RRM2B: variants seen among roughly 807,000 people sequenced by gnomAD.
The protein encoded by RRM2B is ribonucleoside-diphosphate reductase subunit M2 B.
In RRM2B, 20 loss-of-function variants were observed where a neutral mutation model predicts 45.9. The observed-to-expected ratio is 0.44, with a 90% confidence interval of 0.31 to 0.63. The LOEUF (loss-of-function observed/expected upper bound fraction) is 0.63. Ranked by LOEUF, RRM2B falls within the 30% of genes least tolerant of loss-of-function variation. RRM2B has a pLI of 0.09. For missense variants in RRM2B, 320 were observed against 414.7 expected, an observed-to-expected ratio of 0.77 and a Z score of 1.98; for synonymous variants, 124 against 132.3, an observed-to-expected ratio of 0.94 and a Z score of 0.43.
chr8:102,206,376 AT>A lies in RRM2B; in HGVS notation c.*1756del, dbSNP rs1810544504. 1 of 152,150 alleles carries A rather than the reference AT, an allele frequency of 6.6e-6. No individual in the cohort carries two copies. Among genetic ancestry groups the A allele is most frequent in the African/African-American group, 2.4e-5 (1 of 41,450 alleles). 9.4% of individuals were successfully genotyped at this position (152,150 alleles called of 1,614,324 possible). On this transcript the variant is annotated 3_prime_UTR_variant, in exon 9 of 9. Coordinates refer to ENST00000251810, the MANE Select transcript of RRM2B (RefSeq NM_015713.5). ...AGCTGTTTTGAGATCAAATGAGATG[AT>A]GTAAAAACACTTGGCAAACTGAAGC...
rs531505689 is a variant in RRM2B, at chr8:102,214,410, A to G, written c.685-252T>C. 23 of 457,874 alleles carry G rather than the reference A, an allele frequency of 5.0e-5. No homozygotes were observed. In the East Asian group the frequency reaches 1.0e-3, roughly 20 times the overall value. 28.4% of individuals were successfully genotyped at this position (457,874 alleles called of 1,614,324 possible). On this transcript the variant is annotated intron_variant, in intron 6 of 8. Coordinates refer to ENST00000251810, the MANE Select transcript of RRM2B (RefSeq NM_015713.5). ...ACATTATAGAAAAATTAATTTATGA[A>G]CAAACAAAATCTGCAAATAAAAGCA...
At chr8:102,220,077 A>C (rs903904387) in intron 5 of RRM2B, among the ~76,000 whole-genome samples, 4 of 152,188 alleles carry the variant, frequency 2.6e-5, no homozygotes, top group African/African-American at 9.7e-5. Context: ...CATCTCTACA[A>C]AAAATTTAAA....
chr8:102,214,378 TTCA>T, intron 6 of RRM2B: 2 of 544,748 alleles, frequency 3.7e-6, no homozygotes, highest in Non-Finnish European at 6.7e-6. Context: ...CAAATCTTAG[TTCA>T]TCAACATTAT....
At chr8:102,226,812 C>A (rs1456572245) in intron 2 of RRM2B, among the ~76,000 whole-genome samples, 1 of 152,194 alleles carries the variant, frequency 6.6e-6, no homozygotes, top group East Asian at 1.9e-4. Context: ...CTCCCAGGTT[C>A]AAGCAATCCT....
chr8:102,219,885 C>T (rs1810798485), intron 5 of RRM2B, among the ~76,000 whole-genome samples: 1 of 152,146 alleles, frequency 6.6e-6, no homozygotes, highest in South Asian at 2.1e-4. Context: ...ACTTAATAAA[C>T]AAGTCCTGAA....
intron 5 of RRM2B, among the ~76,000 whole-genome samples, chr8:102,219,386 C>T (rs1246998427): frequency 6.6e-6 from 1 of 152,140 alleles, no homozygotes; most frequent in Non-Finnish European, 1.5e-5. Context: ...TTTTTAGAAA[C>T]CTATGGTATC....
At chr8:102,212,464 T>C (rs29000279) in intron 8 of RRM2B, among the ~76,000 whole-genome samples, 5,358 of 152,334 alleles carry the variant, frequency 0.035, 162 homozygotes, top group Admixed American at 0.085. Context: ...TGGCGATTTA[T>C]ATGAGGGTGA....
At chr8:102,229,278 A>C (rs77555628) in intron 2 of RRM2B, among the ~76,000 whole-genome samples, 6 of 149,758 alleles carry the variant, frequency 4.0e-5, no homozygotes, top group East Asian at 3.9e-4. Context: ...CAACAACAAA[A>C]AAAAAAAAAC....
intron 8 of RRM2B, among the ~76,000 whole-genome samples, chr8:102,210,107 G>A (rs969306698): frequency 2.0e-5 from 3 of 152,230 alleles, no homozygotes; most frequent in Admixed American, 6.5e-5. Context: ...GTACAACTCT[G>A]TGACTACACT....
intron 1 of RRM2B, among the ~76,000 whole-genome samples, chr8:102,235,276 T>G (rs953873897): frequency 6.6e-6 from 1 of 152,234 alleles, no homozygotes; most frequent in Non-Finnish European, 1.5e-5. Context: ...TGAATTATTC[T>G]TCCTAAAAAT....
At chr8:102,231,868 CAAAAAAAA>C (rs1250881056) in intron 2 of RRM2B, among the ~76,000 whole-genome samples, 1 of 61,696 alleles carries the variant, frequency 1.6e-5, no homozygotes, top group Non-Finnish European at 3.7e-5. Flanking sequence ...GACTCTGTCT[CAAAAAAAA>C]AAAAAAAAAA....
intron 8 of RRM2B, among the ~76,000 whole-genome samples, chr8:102,211,478 G>A (rs1161617040): frequency 6.6e-6 from 1 of 152,162 alleles, no homozygotes; most frequent in African/African-American, 2.4e-5. Flanking sequence ...TCTCCTGCAG[G>A]AGGTGGCATG....
intron 3 of RRM2B, 23 bp from the exon 4 acceptor site, chr8:102,225,041 T>C (rs753289485): frequency 6.2e-7 from 1 of 1,613,314 alleles, no homozygotes; most frequent in Non-Finnish European, 8.5e-7. Context: ...GGAAAATAGA[T>C]ATATCCAGTT....
chr8:102,235,855 T>C (rs1403930071), intron 1 of RRM2B, among the ~76,000 whole-genome samples: 2 of 151,786 alleles, frequency 1.3e-5, no homozygotes, highest in Admixed American at 6.6e-5. Context: ...AAAAAAAGAA[T>C]AGAAAAGATA....
At position 102,225,035 on chromosome 8, in the gene RRM2B, A is replaced by AATAGATAT. The variant is rs566628697; in HGVS notation, c.322-25_322-18dup. 3.7e-4 allele frequency: 592 copies of AATAGATAT among 1,613,790 alleles called. 3 individuals are homozygous for AATAGATAT. The Middle Eastern group carries it at 5.6e-3, about 15-fold the overall frequency. ...GCGCTCCACCTAAGAAGATAAGGAA[A>AATAGATAT]ATAGATATATCCAGTTCTATAGGCT... On this transcript the variant is annotated splice_polypyrimidine_tract_variant and intron_variant, in intron 3 of 8. Transcript: ENST00000251810.
chr8:102,210,469 GT>G (rs1050017168), intron 8 of RRM2B, among the ~76,000 whole-genome samples: 12 of 148,062 alleles, frequency 8.1e-5, no homozygotes, highest in African/African-American at 7.4e-5. Flanking sequence ...TTTTTGGTGG[GT>G]TTTTTTTTTG....
intron 1 of RRM2B, among the ~76,000 whole-genome samples, chr8:102,232,768 G>T (rs1455434891): frequency 6.6e-6 from 1 of 152,158 alleles, no homozygotes; most frequent in Non-Finnish European, 1.5e-5. Context: ...CTACTTTAAT[G>T]TTTTTTCTTT....
At chr8:102,234,057 G>C (rs1811077924) in intron 1 of RRM2B, among the ~76,000 whole-genome samples, 1 of 152,066 alleles carries the variant, frequency 6.6e-6, no homozygotes, top group South Asian at 2.1e-4. Flanking sequence ...CCTGGCCTTT[G>C]TTATTTTTAT....
At chr8:102,215,834 C>T (rs1307381516) in intron 6 of RRM2B, among the ~76,000 whole-genome samples, 1 of 149,180 alleles carries the variant, frequency 6.7e-6, no homozygotes, top group African/African-American at 2.5e-5. Flanking sequence ...GTTCCAGCTA[C>T]TTAAGGAGGC....
Sources: allele counts gnomAD v4.1 joint callset (sites outside exome capture counted in the v4.1 genomes callset), GRCh38; gene constraint gnomAD v4.1.1; transcripts MANE v1.5; gene names NCBI Gene and HGNC (gene_info 2026-07-23, HGNC 2026-07-21).